The following LHFPL6 variants were observed in gnomAD, a reference collection of about 807,000 sequenced individuals.
The protein encoded by LHFPL6 is LHFPL tetraspan subfamily member 6, also known as LHFPL tetraspan subfamily member 6 protein.
A neutral mutation model predicts 20.6 loss-of-function variants in LHFPL6; 9 were observed. The ratio of observed to expected loss-of-function variants is 0.44; its 90% CI spans 0.26 to 0.76. The LOEUF (loss-of-function observed/expected upper bound fraction) is 0.76. Ranked by LOEUF, LHFPL6 falls within the 30% of genes least tolerant of loss-of-function variation. LHFPL6 has a pLI of 0.20. For synonymous variants in LHFPL6, 105 were observed against 98.7 expected, an observed-to-expected ratio of 1.06 and a Z score of -0.38; for missense variants, 218 against 253.5, an observed-to-expected ratio of 0.86 and a Z score of 0.95.
intron 2 of LHFPL6, among the ~76,000 whole-genome samples, chr13:39,574,295 A>C (rs898455769): frequency 6.6e-6 from 1 of 152,088 alleles, no homozygotes; most frequent in Non-Finnish European, 1.5e-5. Flanking sequence ...ATCCTGGCTA[A>C]CATGGTGAAA....
chr13:39,560,648 G>A (rs1454145483), intron 2 of LHFPL6, among the ~76,000 whole-genome samples: 2 of 151,766 alleles, frequency 1.3e-5, no homozygotes, highest in African/African-American at 4.8e-5. Flanking sequence ...CCGTGTAGCT[G>A]GAACTACAGG....
At chr13:39,353,970 C>A (rs1054277497) in intron 3 of LHFPL6, among the ~76,000 whole-genome samples, 1 of 152,124 alleles carries the variant, frequency 6.6e-6, no homozygotes, top group African/African-American at 2.4e-5. Context: ...TAGAATCTCA[C>A]AAATCCCATG....
At chr13:39,557,879 C>T (rs1871356143) in intron 2 of LHFPL6, among the ~76,000 whole-genome samples, 1 of 152,170 alleles carries the variant, frequency 6.6e-6, no homozygotes, top group Admixed American at 6.5e-5. Flanking sequence ...TTAGTTTATG[C>T]AAGATGTGGT....
At chr13:39,530,196 C>A (rs926875861) in intron 2 of LHFPL6, among the ~76,000 whole-genome samples, 8 of 151,354 alleles carry the variant, frequency 5.3e-5, no homozygotes, top group Admixed American at 5.3e-4. Flanking sequence ...AAAAGAGGAT[C>A]CCTTGAGCCC....
intron 3 of LHFPL6, among the ~76,000 whole-genome samples, chr13:39,361,689 A>C (rs1163555894): frequency 1.3e-5 from 2 of 152,248 alleles, no homozygotes; most frequent in African/African-American, 4.8e-5. Flanking sequence ...AAGCATAAAG[A>C]AAGTCCATGA....
chr13:39,445,609 G>A (rs79112704), intron 2 of LHFPL6, among the ~76,000 whole-genome samples: 148 of 152,288 alleles, frequency 9.7e-4, no homozygotes, highest in African/African-American at 3.3e-3. Context: ...ACTCAGGTTG[G>A]TGGTTATCTA....
chr13:39,508,086 T>C (rs1869553718), intron 2 of LHFPL6, among the ~76,000 whole-genome samples: 1 of 151,830 alleles, frequency 6.6e-6, no homozygotes, highest in African/African-American at 2.4e-5. Flanking sequence ...AATGGCGCCA[T>C]CTCGGCTCAC....
At chr13:39,537,199 T>A (rs908154365) in intron 2 of LHFPL6, among the ~76,000 whole-genome samples, 1 of 152,212 alleles carries the variant, frequency 6.6e-6, no homozygotes, top group Non-Finnish European at 1.5e-5. Flanking sequence ...CTGAGAATAA[T>A]GGAACCGGTT....
chr13:39,602,707 A>AC (rs1281039446), intron 1 of LHFPL6, among the ~76,000 whole-genome samples, 176 bp downstream of exon 1: 2 of 151,980 alleles, frequency 1.3e-5, no homozygotes, highest in Non-Finnish European at 2.9e-5. Flanking sequence ...GGAAGGCAGC[A>AC]CCCCCCGGAG....
chr13:39,593,041 A>T (rs557826983), intron 2 of LHFPL6, among the ~76,000 whole-genome samples: 115 of 152,352 alleles, frequency 7.5e-4, no homozygotes, highest in African/African-American at 2.7e-3. Context: ...AACTGGAAGC[A>T]TTCCCTTTGA....
intron 3 of LHFPL6, 38 bp from the exon 4 acceptor site, chr13:39,344,092 T>C (rs1303520062): frequency 1.3e-6 from 2 of 1,549,308 alleles, no homozygotes; most frequent in South Asian, 1.1e-5. Flanking sequence ...AAGTCACAGA[T>C]GAGGATGATT....
chr13:39,533,806 T>C (rs1159480780), intron 2 of LHFPL6, among the ~76,000 whole-genome samples: 3 of 152,180 alleles, frequency 2.0e-5, no homozygotes, highest in African/African-American at 7.2e-5. Flanking sequence ...CCAACTCCTT[T>C]GCCACCATAC....
At chr13:39,573,718 TA>T (rs1015301172) in intron 2 of LHFPL6, among the ~76,000 whole-genome samples, 2 of 151,458 alleles carry the variant, frequency 1.3e-5, no homozygotes, top group African/African-American at 4.8e-5. Context: ...GAAAAATAAC[TA>T]AAGAAAAAAA....
intron 2 of LHFPL6, among the ~76,000 whole-genome samples, chr13:39,415,480 C>G (rs928237113): frequency 1.4e-5 from 2 of 147,792 alleles, no homozygotes; most frequent in African/African-American, 5.0e-5. Context: ...CTGGCAAAGA[C>G]AGCTTGCCAT....
rs540984688 is a variant in LHFPL6, at chr13:39,579,156, G to A, written c.385+21676C>T. ...GGAGCAGCCAAGGTATTTTGAGCAT[G>A]AAAGGGCCATGCTCACACCCAAGAG... On this transcript the variant is annotated intron_variant, in intron 2 of 3. Coordinates refer to ENST00000379589, the MANE Select transcript of LHFPL6 (RefSeq NM_005780.3). Among the ~76,000 whole-genome samples the A allele has an allele frequency of 1.2e-4, 19 of 152,238 alleles. No homozygotes were observed. The East Asian group carries it at 3.5e-3, about 28-fold the overall frequency.
chr13:39,498,877 GT>G (rs1489136117), intron 2 of LHFPL6, among the ~76,000 whole-genome samples: 1 of 151,740 alleles, frequency 6.6e-6, no homozygotes, highest in Non-Finnish European at 1.5e-5. Context: ...CTTTTCTTTT[GT>G]GAGACAAAGC....
intron 2 of LHFPL6, among the ~76,000 whole-genome samples, chr13:39,482,097 C>T (rs534569625): frequency 1.1e-4 from 16 of 152,174 alleles, no homozygotes; most frequent in Admixed American, 3.9e-4. Context: ...GCAAAAGTTG[C>T]GAATTATTGT....
chr13:39,512,564 T>C (rs952829917), intron 2 of LHFPL6, among the ~76,000 whole-genome samples: 1 of 140,862 alleles, frequency 7.1e-6, no homozygotes, highest in African/African-American at 2.8e-5. Flanking sequence ...ATTGCGCCAC[T>C]GCACTCCAGC....
chr13:39,448,233 T>C (rs922119724), intron 2 of LHFPL6, among the ~76,000 whole-genome samples: 5 of 152,210 alleles, frequency 3.3e-5, no homozygotes, highest in African/African-American at 1.2e-4. Flanking sequence ...TTATTCAGGG[T>C]ACATTTTGTG....
Sources: allele counts gnomAD v4.1 joint callset (sites outside exome capture counted in the v4.1 genomes callset), GRCh38; gene constraint gnomAD v4.1.1; transcripts MANE v1.5; gene names NCBI Gene and HGNC (gene_info 2026-07-23, HGNC 2026-07-21).